Variants in SYT1 observed in about 807,000 individuals in gnomAD.
SYT1 encodes the protein synaptotagmin 1.
Under a neutral mutation model 44.8 loss-of-function variants are expected in SYT1, and 8 were observed. The observed-to-expected ratio is 0.18, with a 90% confidence interval of 0.10 to 0.32. The LOEUF (loss-of-function observed/expected upper bound fraction) is 0.32, where lower values mean the gene tolerates loss of function less well. Among genes scored for constraint, SYT1 ranks in the 10% least tolerant of loss-of-function variants. The probability of loss-of-function intolerance (pLI) is 1.00; values close to 1 mark genes in which losing one functional copy is unlikely to be tolerated. For missense variants in SYT1, 286 were observed against 509.3 expected (o/e 0.56, Z 4.22); for synonymous variants, 154 against 188.8 (o/e 0.82, Z 1.51).
intron 4 of SYT1, among the ~76,000 whole-genome samples, chr12:79,243,944 C>T (rs1374650185): frequency 1.3e-5 from 2 of 151,826 alleles, no homozygotes; most frequent in Non-Finnish European, 2.9e-5. Flanking sequence ...TAAATTATAC[C>T]TAATAAAGCT....
intron 3 of SYT1, among the ~76,000 whole-genome samples, chr12:79,162,112 G>A (rs1450117145): frequency 6.6e-6 from 1 of 152,136 alleles, no homozygotes; most frequent in Non-Finnish European, 1.5e-5. Flanking sequence ...AATGTAAGAT[G>A]ATGTTAAGAG....
At chr12:78,976,430 G>A (rs975168108) in intron 1 of SYT1, among the ~76,000 whole-genome samples, 2 of 152,104 alleles carry the variant, frequency 1.3e-5, no homozygotes, top group Admixed American at 6.6e-5. Context: ...AAGGACTTAC[G>A]TTTTCCCAAA....
intron 9 of SYT1, among the ~76,000 whole-genome samples, chr12:79,432,280 G>A (rs933823566): frequency 5.9e-5 from 9 of 151,278 alleles, no homozygotes; most frequent in African/African-American, 2.2e-4. Flanking sequence ...TGTTACATAT[G>A]TATACATGTG....
chr12:79,169,419 G>GA (rs1592813142), intron 3 of SYT1, among the ~76,000 whole-genome samples: 1 of 151,852 alleles, frequency 6.6e-6, no homozygotes, highest in African/African-American at 2.4e-5. Context: ...CTTAGGCAGG[G>GA]AAAAAAGAAA....
At chr12:78,974,646 C>T (rs1348155575) in intron 1 of SYT1, among the ~76,000 whole-genome samples, 1 of 152,046 alleles carries the variant, frequency 6.6e-6, no homozygotes, top group African/African-American at 2.4e-5. Context: ...CCATGTTAGC[C>T]AGGATGGTCT....
chr12:79,252,563 A>G (rs912484658), intron 4 of SYT1, among the ~76,000 whole-genome samples: 2 of 152,090 alleles, frequency 1.3e-5, no homozygotes, highest in East Asian at 3.9e-4. Flanking sequence ...TAAGCATTTG[A>G]TTGTTGATAT....
intron 2 of SYT1, among the ~76,000 whole-genome samples, chr12:79,019,947 T>C (rs1439977887): frequency 6.6e-6 from 1 of 151,998 alleles, no homozygotes; most frequent in Non-Finnish European, 1.5e-5. Flanking sequence ...AGGACACTTA[T>C]CCAAAGAGCT....
intron 3 of SYT1, among the ~76,000 whole-genome samples, chr12:79,134,116 G>C (rs181651379): frequency 2.8e-3 from 432 of 152,178 alleles, no homozygotes; most frequent in Admixed American, 5.9e-3. Context: ...TTGTTACTGG[G>C]TGTCAAACCA....
At chr12:78,888,596 T>C (rs1207266780) in intron 1 of SYT1, among the ~76,000 whole-genome samples, 2 of 151,982 alleles carry the variant, frequency 1.3e-5, no homozygotes, top group Non-Finnish European at 2.9e-5. Flanking sequence ...ATAGTTATTA[T>C]CATCTTTTCT....
chr12:79,150,331 A>C (rs1565828040), intron 3 of SYT1, among the ~76,000 whole-genome samples: 1 of 152,200 alleles, frequency 6.6e-6, no homozygotes, highest in Admixed American at 6.5e-5. Flanking sequence ...ACTTTATTCT[A>C]AGTAAAATAA....
In SYT1 at chr12:79,272,075, A is replaced by G. The variant is rs146488848; in HGVS notation, c.167-13712A>G. The stretch of plus-strand genomic sequence containing the variant: ...ATCAATGCTAAGTGAGGCATATGGT[A>G]AGCCTTGAAAAGGAAGTATTATTTA... On this transcript the variant is annotated intron_variant, in intron 4 of 10. Transcript: ENST00000261205. Among the ~76,000 whole-genome samples, 952 of 152,330 alleles carry G rather than the reference A, an allele frequency of 6.2e-3. 9 individuals carry two copies. The highest frequency in any genetic ancestry group is 0.022 in the African/African-American group (915 of 41,574).
chr12:79,166,523 G>T (rs943700033), intron 3 of SYT1, among the ~76,000 whole-genome samples: 1 of 151,916 alleles, frequency 6.6e-6, no homozygotes, highest in Admixed American at 6.6e-5. Context: ...ATGAGAAAAT[G>T]AATAGCCATC....
chr12:78,897,509 G>A (rs753116731), intron 1 of SYT1, among the ~76,000 whole-genome samples: 5 of 151,880 alleles, frequency 3.3e-5, no homozygotes, highest in South Asian at 2.1e-4. Context: ...ATGACAGCCC[G>A]AGACTGTTGT....
At position 79,064,928 on chromosome 12, in the gene SYT1, G is replaced by GAAAGAAAGAAAA. The variant is rs1346065229; in HGVS notation, c.-18+17577_-18+17578insAAAAGAAAGAAA. ...CACTCTTTAGACAAAAAAATAGAGA[G>GAAAGAAAGAAAA]AAAGAAAGAAAGAAAGAAAGAAAGA... On this transcript the variant is annotated intron_variant, in intron 3 of 10. Transcript: ENST00000261205. 4.8e-3 allele frequency among the ~76,000 whole-genome samples: 167 copies of GAAAGAAAGAAAA among 34,664 alleles called. 5 individuals carry two copies. The East Asian group carries it at 0.075, about 16-fold the overall frequency. The allele number at this position is 34,664 out of a possible 152,430, so 22.7% of individuals were successfully genotyped here. A position where few individuals can be genotyped will look rare whatever the true frequency, so the allele number is the denominator to read the frequency against.
intron 1 of SYT1, among the ~76,000 whole-genome samples, chr12:78,929,444 A>AAAAAAAT (rs1877507283): frequency 6.8e-6 from 1 of 146,164 alleles, no homozygotes; most frequent in African/African-American, 2.5e-5. Context: ...AAAAAAAAAA[A>AAAAAAAT]AAGGTTATTA....
intron 4 of SYT1, among the ~76,000 whole-genome samples, chr12:79,283,691 T>G (rs1879164112): frequency 6.6e-6 from 1 of 152,178 alleles, no homozygotes; most frequent in South Asian, 2.1e-4. Context: ...AATGAAGTAT[T>G]ATGAATGATA....
At chr12:79,386,508 C>G (rs750174442) in intron 9 of SYT1, among the ~76,000 whole-genome samples, 3 of 152,104 alleles carry the variant, frequency 2.0e-5, no homozygotes, top group Non-Finnish European at 2.9e-5. Context: ...CCTAGCCCCC[C>G]AACCCCCACA....
At chr12:79,110,091 G>A (rs1878930140) in intron 3 of SYT1, among the ~76,000 whole-genome samples, 1 of 152,154 alleles carries the variant, frequency 6.6e-6, no homozygotes, top group South Asian at 2.1e-4. Context: ...CCTAATTTCA[G>A]TTGTTTTCCA....
chr12:79,173,304 CTCTTAGGAGGT>C (rs1871661494), intron 3 of SYT1, among the ~76,000 whole-genome samples: 1 of 152,012 alleles, frequency 6.6e-6, no homozygotes, highest in Non-Finnish European at 1.5e-5. Context: ...AGCATGCAGC[CTCTTAGGAGGT>C]AGGCAGATGG....
Sources: gnomAD v4.1 joint callset for allele counts (sites outside exome capture counted in the v4.1 genomes callset) on GRCh38, gnomAD v4.1.1 for gene constraint, MANE v1.5 for transcripts, NCBI Gene and HGNC (gene_info 2026-07-23, HGNC 2026-07-21) for gene names.